The following COG3 variants were observed in gnomAD, a reference collection of about 807,000 sequenced individuals.
COG3 encodes the protein conserved oligomeric Golgi complex subunit 3.
A neutral mutation model predicts 114.1 loss-of-function variants in COG3; 32 were observed. The ratio of observed to expected loss-of-function variants is 0.28; its 90% confidence interval spans 0.21 to 0.38. The LOEUF is 0.38. Among genes scored for constraint, COG3 ranks in the 10% least tolerant of loss-of-function variants. The probability of loss-of-function intolerance (pLI) is 1.00; values close to 1 mark genes in which losing one functional copy is unlikely to be tolerated. For synonymous variants in COG3, 352 were observed against 365.7 expected, an observed-to-expected ratio of 0.96 and a Z score of 0.43; for missense variants, 813 against 973.2, an observed-to-expected ratio of 0.84 and a Z score of 2.19.
intron 19 of COG3, among the ~76,000 whole-genome samples, chr13:45,522,479 C>A (rs1872267015): frequency 6.6e-6 from 1 of 152,140 alleles, no homozygotes; most frequent in Non-Finnish European, 1.5e-5. Context: ...TACTACATCC[C>A]TGGAACCTGG....
chr13:45,505,181 C>T (rs1485839885), intron 14 of COG3, among the ~76,000 whole-genome samples: 2 of 150,244 alleles, frequency 1.3e-5, no homozygotes, highest in Non-Finnish European at 1.5e-5. Context: ...AGTGAGACTC[C>T]ATCTCAGAAA....
chr13:45,506,655 G>C (rs1870185294), intron 14 of COG3, among the ~76,000 whole-genome samples: 1 of 152,218 alleles, frequency 6.6e-6, no homozygotes, highest in African/African-American at 2.4e-5. Context: ...GCAGTTATCA[G>C]TGTTATCACA....
At chr13:45,500,064 G>C (rs1436864550) in intron 13 of COG3, among the ~76,000 whole-genome samples, 4 of 60,350 alleles carry the variant, frequency 6.6e-5, no homozygotes, top group Admixed American at 2.5e-4. Flanking sequence ...GTGTGTGTGT[G>C]TGAGTGTGTG....
chr13:45,480,435 C>T (rs867652473), intron 4 of COG3, 145 bp downstream of exon 4: 3 of 571,476 alleles, frequency 5.2e-6, no homozygotes, highest in East Asian at 5.8e-5. Flanking sequence ...CAGATTGTTA[C>T]ACTGACAGCC....
At chr13:45,496,436 T>C (rs963354394) in intron 13 of COG3, 124 bp downstream of exon 13, 4 of 719,534 alleles carry the variant, frequency 5.6e-6, no homozygotes, top group Non-Finnish European at 7.3e-6. Context: ...CCCAGGCTGG[T>C]CTCGAACTCC....
At chr13:45,480,639 C>T (rs946977109) in intron 4 of COG3, among the ~76,000 whole-genome samples, 2 of 152,142 alleles carry the variant, frequency 1.3e-5, no homozygotes, top group African/African-American at 4.8e-5. Context: ...GATCTCAGCT[C>T]ATTGCAACCT....
intron 14 of COG3, among the ~76,000 whole-genome samples, chr13:45,505,604 C>T (rs1005035152): frequency 6.6e-6 from 1 of 151,848 alleles, no homozygotes; most frequent in African/African-American, 2.4e-5. Flanking sequence ...TGCGCCTGAC[C>T]AATCCTGCTT....
At chr13:45,520,229 A>G (rs1871971600) in intron 19 of COG3, among the ~76,000 whole-genome samples, 1 of 151,676 alleles carries the variant, frequency 6.6e-6, no homozygotes, top group Admixed American at 6.6e-5. Flanking sequence ...TCGAGGGTGC[A>G]GTGAGTCAAG....
Position 45,535,383 on chromosome 13 carries a change from T to G in COG3, c.*652T>G, listed in dbSNP as rs1873482462. On this transcript the variant is annotated 3_prime_UTR_variant, in exon 23 of 23. Coordinates refer to ENST00000349995, the MANE Select transcript of COG3 (RefSeq NM_031431.4). ...ATCTGTGCCCCTTGAATTGCTTAGG[T>G]GCAGACAGTTCTAAAGCAAGGAGCT... The G allele has an allele frequency of 4.1e-6, 4 of 985,338 alleles. No homozygotes were observed. Among genetic ancestry groups the G allele is most frequent in the Non-Finnish European group, 4.8e-6 (4 of 829,944 alleles). 61.0% of individuals were successfully genotyped at this position (985,338 alleles called of 1,614,324 possible). A position where few individuals can be genotyped will look rare whatever the true frequency, so the allele number is the denominator to read the frequency against.
At chr13:45,479,722 T>C (rs1398928374) in intron 3 of COG3, among the ~76,000 whole-genome samples, 1 of 152,212 alleles carries the variant, frequency 6.6e-6, no homozygotes, top group East Asian at 1.9e-4. Context: ...TGGACCCAGG[T>C]CTTCTAATTC....
intron 15 of COG3, among the ~76,000 whole-genome samples, chr13:45,511,249 T>A (rs553236009): frequency 1.2e-4 from 18 of 152,306 alleles, no homozygotes; most frequent in African/African-American, 3.9e-4. Flanking sequence ...TTAGATTTAG[T>A]CCTATTTTAT....
intron 8 of COG3, among the ~76,000 whole-genome samples, chr13:45,490,554 A>T (rs1347948121): frequency 6.6e-6 from 1 of 152,122 alleles, no homozygotes; most frequent in Non-Finnish European, 1.5e-5. Flanking sequence ...AGTGTTGACT[A>T]GGTACCAGGT....
At chr13:45,518,349 T>C (rs1170300823) in intron 17 of COG3, among the ~76,000 whole-genome samples, 2 of 152,234 alleles carry the variant, frequency 1.3e-5, no homozygotes, top group African/African-American at 2.4e-5. Flanking sequence ...TGTTTTCTTC[T>C]TGGCTGACAC....
chr13:45,517,181 A>T (rs918627653), intron 17 of COG3, among the ~76,000 whole-genome samples: 3 of 152,184 alleles, frequency 2.0e-5, no homozygotes, highest in Non-Finnish European at 2.9e-5. Flanking sequence ...CCATTCATTT[A>T]TGTGATCAGT....
At position 45,480,352 on chromosome 13, in the gene COG3, A is replaced by G. The variant is rs954984735; in HGVS notation, c.549+62A>G. On this transcript the variant is annotated intron_variant, in intron 4 of 22. Transcript: ENST00000349995. ...TTAATATTTTAAAATAGATGAATAC[A>G]GTTTTATTTTAATTTTCTTAATTTC... is the stretch of plus-strand genomic sequence containing the variant. 4.4e-6 allele frequency: 5 copies of G among 1,141,848 alleles called. No homozygotes were observed. In the Admixed American group the frequency reaches 1.0e-4, roughly 23 times the overall value. The allele number at this position is 1,141,848 out of a possible 1,614,324, so 70.7% of individuals were successfully genotyped here.
chr13:45,495,258 G>A (rs1251171388), intron 12 of COG3, among the ~76,000 whole-genome samples: 1 of 151,446 alleles, frequency 6.6e-6, no homozygotes, highest in Non-Finnish European at 1.5e-5. Context: ...AAAGTGCTGG[G>A]ATTACAGGCA....
intron 1 of COG3, among the ~76,000 whole-genome samples, chr13:45,469,661 C>G (rs1178184582): frequency 4.0e-5 from 6 of 151,898 alleles, no homozygotes; most frequent in Admixed American, 6.6e-5. Context: ...TATATAGGAC[C>G]TAAAATTGAT....
Position 45,520,062 on chromosome 13 carries a change from C to G in COG3, c.2154+968C>G, listed in dbSNP as rs911968312. On this transcript the variant is annotated intron_variant, in intron 19 of 22. Transcript: ENST00000349995. ...GGGAGGCTGAAACAGGAGGATCGCT[C>G]GAGCCCCCAGAGTTTGACACTGGTT... Among the ~76,000 whole-genome samples, 3 of 152,168 alleles carry G rather than the reference C, an allele frequency of 2.0e-5. No individual in the cohort carries two copies. In the East Asian group the frequency reaches 5.8e-4, roughly 29 times the overall value.
chr13:45,535,277 C>G lies in COG3; in HGVS notation c.*546C>G, dbSNP rs534380337. On this transcript the variant is annotated 3_prime_UTR_variant, in exon 23 of 23. Coordinates refer to ENST00000349995, the MANE Select transcript of COG3 (RefSeq NM_031431.4). ...GCTTCTGAGAACACATTCTGCCTTC[C>G]TGGGAAGTCGGGGTGTCATCCTTTC... The G allele has an allele frequency of 7.1e-6, 7 of 985,386 alleles. No homozygotes were observed. In the South Asian group the frequency reaches 2.3e-4, roughly 33 times the overall value. 61.0% of individuals were successfully genotyped at this position (985,386 alleles called of 1,614,324 possible).
Sources: gnomAD v4.1 joint callset for allele counts (sites outside exome capture counted in the v4.1 genomes callset) on GRCh38, gnomAD v4.1.1 for gene constraint, MANE v1.5 for transcripts, NCBI Gene and HGNC (gene_info 2026-07-23, HGNC 2026-07-21) for gene names.